RTN4: variants seen among roughly 807,000 people sequenced by gnomAD.
RTN4 encodes the protein reticulon-4.
A neutral mutation model predicts 90.4 loss-of-function variants in RTN4; 32 were observed. The observed-to-expected ratio is 0.35, with a 90% confidence interval of 0.27 to 0.48. The LOEUF (loss-of-function observed/expected upper bound fraction) is 0.48. Ranked by LOEUF, RTN4 falls within the 20% of genes least tolerant of loss-of-function variation. The pLI, the probability that RTN4 is intolerant of heterozygous loss-of-function variation, is 0.99. For missense variants in RTN4, 1,706 were observed against 1,430.2 expected, an observed-to-expected ratio of 1.19 and a Z score of -3.11; for synonymous variants, 629 against 552.5, an observed-to-expected ratio of 1.14 and a Z score of -1.94.
intron 2 of RTN4, among the ~76,000 whole-genome samples, chr2:55,027,941 G>C (rs1377460911): frequency 6.6e-6 from 1 of 152,126 alleles, no homozygotes; most frequent in Non-Finnish European, 1.5e-5. Context: ...TGTAATTCAA[G>C]GGTCCAAGAA....
At position 55,061,266 on chromosome 2, in the gene RTN4, G is replaced by C. The variant is rs370075395; in HGVS notation, c.-63+19223C>G. Among the ~76,000 whole-genome samples the C allele has an allele frequency of 2.1e-3, 324 of 152,166 alleles. 1 individual carries two copies. The highest frequency in any genetic ancestry group is 6.8e-3 in the African/African-American group (281 of 41,506). On this transcript the variant is annotated intron_variant, in intron 2 of 3. Transcript: ENST00000427710. ...TTTAGTAGGGACGGGGTTTCACCAT[G>C]TTGGCCAGGCTGGTCTCAAACTCCT...
At chr2:55,104,552 T>C (rs2902655) in intron 1 of RTN4, among the ~76,000 whole-genome samples, 88,050 of 151,454 alleles carry the variant, frequency 0.58, 26,000 homozygotes, top group Admixed American at 0.6. Flanking sequence ...GATTTCACCA[T>C]GTTGACGAAG....
chr2:54,980,017 A>T (rs144042260), intron 5 of RTN4, among the ~76,000 whole-genome samples: 308 of 152,302 alleles, frequency 2.0e-3, no homozygotes, highest in African/African-American at 7.0e-3. Flanking sequence ...AATACTAAGA[A>T]ACAACAAGTG....
intron 1 of RTN4, among the ~76,000 whole-genome samples, chr2:55,032,884 C>A (rs1004107037): frequency 6.6e-6 from 1 of 151,766 alleles, no homozygotes; most frequent in Admixed American, 6.6e-5. Flanking sequence ...TAAAAATTAG[C>A]CGGTGTAGTG....
intron 3 of RTN4, among the ~76,000 whole-genome samples, chr2:55,023,056 C>T (rs1681566365): frequency 6.6e-6 from 1 of 152,018 alleles, no homozygotes; most frequent in South Asian, 2.1e-4. Context: ...GTTCACTGAC[C>T]ATCTACTCTC....
intron 5 of RTN4, among the ~76,000 whole-genome samples, chr2:54,980,958 T>G (rs1210426815): frequency 1.3e-5 from 2 of 152,248 alleles, no homozygotes; most frequent in Non-Finnish European, 2.9e-5. Flanking sequence ...CAAAATATTT[T>G]TAGTTGATCT....
At chr2:54,974,501 G>T (rs1455622283) in intron 6 of RTN4, among the ~76,000 whole-genome samples, 194 bp downstream of exon 6, 1 of 152,114 alleles carries the variant, frequency 6.6e-6, no homozygotes, top group Non-Finnish European at 1.5e-5. Flanking sequence ...GGCTGGTCTC[G>T]AACTCCTGGC....
chr2:55,084,293 T>A (rs1408345797), intron 1 of RTN4, among the ~76,000 whole-genome samples: 1 of 144,986 alleles, frequency 6.9e-6, no homozygotes, highest in Non-Finnish European at 1.5e-5. Context: ...CTGAGTTGCA[T>A]CCCCCCTGCC....
At chr2:55,115,412 T>C (rs772710701), upstream of RTN4, among the ~76,000 whole-genome samples, 1 of 152,222 alleles carries the variant, frequency 6.6e-6, no homozygotes, top group Non-Finnish European at 1.5e-5. Flanking sequence ...GCTTCTCTCA[T>C]TCTCTTATAA....
At chr2:55,023,317 C>A (rs879297569) in intron 3 of RTN4, among the ~76,000 whole-genome samples, 2 of 152,150 alleles carry the variant, frequency 1.3e-5, no homozygotes, top group Admixed American at 1.3e-4. Context: ...TGATTAGGCT[C>A]CTAATACAAT....
chr2:55,096,713 G>A (rs536358870), intron 1 of RTN4, among the ~76,000 whole-genome samples: 36 of 152,122 alleles, frequency 2.4e-4, no homozygotes, highest in Non-Finnish European at 4.7e-4. Flanking sequence ...CTACTTTCCA[G>A]TTTTGGCTCC....
chr2:55,116,099 T>TTTTTG (rs1668120318), upstream of RTN4, among the ~76,000 whole-genome samples: 1 of 148,814 alleles, frequency 6.7e-6, no homozygotes, highest in African/African-American at 2.5e-5. Context: ...GTCTTTTTTT[T>TTTTTG]TTTTTTTTTT....
intron 3 of RTN4, among the ~76,000 whole-genome samples, chr2:55,020,368 C>T (rs1427663534): frequency 6.7e-6 from 1 of 150,220 alleles, no homozygotes; most frequent in Admixed American, 6.6e-5. Flanking sequence ...ACCAATGGAA[C>T]AGAACAGATA....
chr2:55,064,636 C>T (rs1668359635), intron 2 of RTN4, among the ~76,000 whole-genome samples: 1 of 152,114 alleles, frequency 6.6e-6, no homozygotes, highest in African/African-American at 2.4e-5. Flanking sequence ...CAGGTGTGAG[C>T]CAATGCGCCA....
At chr2:54,985,830 A>G (rs1366279483) in intron 4 of RTN4, among the ~76,000 whole-genome samples, 3 of 152,230 alleles carry the variant, frequency 2.0e-5, no homozygotes, top group Non-Finnish European at 4.4e-5. Context: ...CCAAACAGAT[A>G]TTACCTTGCC....
chr2:55,115,138 TA>T (rs1459590247), upstream of RTN4, among the ~76,000 whole-genome samples: 2 of 152,220 alleles, frequency 1.3e-5, no homozygotes, highest in African/African-American at 4.8e-5. Flanking sequence ...TACTACAAAT[TA>T]GTGGCTTAAA....
intron 1 of RTN4, among the ~76,000 whole-genome samples, chr2:55,095,222 G>A (rs1003256125): frequency 7.2e-5 from 11 of 152,006 alleles, no homozygotes; most frequent in African/African-American, 2.7e-4. Flanking sequence ...TACTTGGGAG[G>A]CTGAGGCAGG....
intron 3 of RTN4, among the ~76,000 whole-genome samples, chr2:55,013,910 T>C (rs747506679): frequency 6.6e-6 from 1 of 152,214 alleles, no homozygotes; most frequent in Non-Finnish European, 1.5e-5. Flanking sequence ...AGTTAGAGAC[T>C]GCTTATGTAC....
intron 5 of RTN4, among the ~76,000 whole-genome samples, chr2:54,976,892 A>C (rs2580765): frequency 0.35 from 52,713 of 152,188 alleles, 10,434 homozygotes; most frequent in East Asian, 0.65. Context: ...GTCAAAGCTT[A>C]TCTCTCCATT....
Sources: allele counts gnomAD v4.1 joint callset (sites outside exome capture counted in the v4.1 genomes callset), GRCh38; gene constraint gnomAD v4.1.1; transcripts MANE v1.5; gene names NCBI Gene and HGNC (gene_info 2026-07-23, HGNC 2026-07-21).